The following KLHL14 variants were observed in gnomAD, a reference collection of about 807,000 sequenced individuals.
The protein encoded by KLHL14 is kelch-like protein 14.
KLHL14 carries 22 observed loss-of-function variants against 64.3 expected under a neutral mutation model. The observed-to-expected ratio is 0.34, with a 90% CI of 0.24 to 0.49. The LOEUF is 0.49. KLHL14 is among the 20% of genes least tolerant of loss of function. The pLI, the probability that KLHL14 is intolerant of heterozygous loss-of-function variation, is 0.99. For missense variants in KLHL14, 661 were observed against 789.0 expected (o/e 0.84, Z 1.94); for synonymous variants, 322 against 333.4 (o/e 0.97, Z 0.37).
chr18:32,685,127 C>T (rs1276990597), intron 5 of KLHL14, among the ~76,000 whole-genome samples: 1 of 152,078 alleles, frequency 6.6e-6, no homozygotes, highest in Middle Eastern at 3.2e-3. Flanking sequence ...ATCCTGTCAA[C>T]GGTGGCTGCC....
Position 32,742,002 on chromosome 18 carries a change from G to C in KLHL14, c.995C>G (p.Pro332Arg). 1 of 1,613,196 alleles carries C rather than the reference G, an allele frequency of 6.2e-7. No homozygotes were observed. Among genetic ancestry groups the C allele is most frequent in the South Asian group, 1.1e-5 (1 of 90,742 alleles). ...KMLLLVGGLP[P>R]GPDRLPSNLV... is the part of the protein sequence containing the mutation. ...ATTGCTGGGGAGCCGGTCCGGTCCA[G>C]GAGGCAGCCCTCCAACCAATAACAG... is the stretch of plus-strand genomic sequence containing the variant. Residue 332 changes from proline (P) to arginine (R), a missense_variant, in exon 3 of 9, where the codon CCT becomes CGT. By Grantham distance (103) the Pro-to-Arg change is moderately radical. This residue lies in a region of KLHL14 where 330 missense variants were observed against 450.0 expected (regional missense o/e 0.73). Coordinates refer to ENST00000359358, the MANE Select transcript of KLHL14 (RefSeq NM_020805.3).
chr18:32,753,960 C>T (rs546683252), intron 2 of KLHL14, among the ~76,000 whole-genome samples: 3 of 152,212 alleles, frequency 2.0e-5, no homozygotes, highest in African/African-American at 4.8e-5. Context: ...GAGGAAGTTG[C>T]GTGGCAAGCA....
At chr18:32,706,841 T>C (rs2049993015) in intron 3 of KLHL14, among the ~76,000 whole-genome samples, 1 of 152,106 alleles carries the variant, frequency 6.6e-6, no homozygotes, top group African/African-American at 2.4e-5. Context: ...TTGGATCAGA[T>C]GTGTGCATGT....
At chr18:32,696,909 T>C (rs993198680) in intron 3 of KLHL14, among the ~76,000 whole-genome samples, 5 of 152,220 alleles carry the variant, frequency 3.3e-5, no homozygotes, top group Admixed American at 3.3e-4. Flanking sequence ...CAAGGGATTT[T>C]AGGAGTTTTG....
chr18:32,729,032 C>T (rs2050121425), intron 3 of KLHL14, among the ~76,000 whole-genome samples: 1 of 152,154 alleles, frequency 6.6e-6, no homozygotes, highest in African/African-American at 2.4e-5. Flanking sequence ...AATATGTGGT[C>T]CTTTGTTATG....
intron 3 of KLHL14, among the ~76,000 whole-genome samples, chr18:32,737,013 A>C (rs2050169723): frequency 6.6e-6 from 1 of 152,110 alleles, no homozygotes; most frequent in Admixed American, 6.6e-5. Flanking sequence ...CAGAGTGGGT[A>C]TTCAATAATT....
At chr18:32,743,852 G>A (rs2144532480) in intron 2 of KLHL14, 1 of 152,266 alleles carries the variant, frequency 6.6e-6, no homozygotes, top group Non-Finnish European at 1.5e-5. Flanking sequence ...TAGATGCATG[G>A]CCACAGAGCT....
chr18:32,736,145 T>C (rs1000338977), intron 3 of KLHL14, among the ~76,000 whole-genome samples: 2 of 152,120 alleles, frequency 1.3e-5, no homozygotes, highest in African/African-American at 2.4e-5. Context: ...AAGCCAGAAA[T>C]AAATGAGAGA....
chr18:32,674,383 T>C lies in KLHL14; in HGVS notation c.*274A>G. 2.8e-6 allele frequency: 1 copy of C among 352,812 alleles called. No homozygotes were observed. Among genetic ancestry groups the C allele is most frequent in the Non-Finnish European group, 5.2e-6 (1 of 193,066 alleles). 21.9% of individuals were successfully genotyped at this position (352,812 alleles called of 1,614,324 possible). ...TCTTTCTCCTTTTGCAAGTTAAGAT[T>C]CACATGAAGAGTTTTTGTAAAGCTG... On this transcript the variant is annotated 3_prime_UTR_variant, in exon 9 of 9. Coordinates refer to ENST00000359358, the MANE Select transcript of KLHL14 (RefSeq NM_020805.3).
At chr18:32,676,282 G>A (rs2049810956) in intron 8 of KLHL14, among the ~76,000 whole-genome samples, 1 of 152,098 alleles carries the variant, frequency 6.6e-6, no homozygotes. Flanking sequence ...AGAATGTAGG[G>A]TATTCTGTAT....
Position 32,702,995 on chromosome 18 carries a change from T to G in KLHL14, c.1070-7443A>C, listed in dbSNP as rs555046796. On this transcript the variant is annotated intron_variant, in intron 3 of 8. Coordinates refer to ENST00000359358, the MANE Select transcript of KLHL14 (RefSeq NM_020805.3). ...AACTGTATCTAAGGGTCAGTTTTCT[T>G]GACTATGAGGATCGTTTCATCACTC... 3.9e-5 allele frequency among the ~76,000 whole-genome samples: 6 copies of G among 152,352 alleles called. No individual in the cohort carries two copies. The South Asian group carries it at 1.0e-3, about 26-fold the overall frequency.
At chr18:32,742,306 CT>C (rs34677845) in intron 2 of KLHL14, among the ~76,000 whole-genome samples, 81,343 of 151,962 alleles carry the variant, frequency 0.54, 23,037 homozygotes, top group East Asian at 0.93. Context: ...CTAGAACGAC[CT>C]TTTTCTTATA....
chr18:32,764,789 C>T (rs894891893), intron 2 of KLHL14, among the ~76,000 whole-genome samples: 18 of 152,114 alleles, frequency 1.2e-4, no homozygotes, highest in African/African-American at 4.1e-4. Context: ...GTAGTTGCAA[C>T]AGAGACCTTG....
intron 2 of KLHL14, among the ~76,000 whole-genome samples, chr18:32,749,230 G>T (rs2050239736): frequency 6.6e-6 from 1 of 152,114 alleles, no homozygotes; most frequent in South Asian, 2.1e-4. Context: ...AGATTTGATT[G>T]AAAACAACGA....
At position 32,683,578 on chromosome 18, in the gene KLHL14, T is replaced by C. The variant is rs16963672; in HGVS notation, c.1239-2979A>G. On this transcript the variant is annotated intron_variant, in intron 5 of 8. Coordinates refer to ENST00000359358, the MANE Select transcript of KLHL14 (RefSeq NM_020805.3). This position sits in a 1 kb window ranked among gnomAD's most constrained non-coding sequence, Gnocchi z 4.2. ...AGTAAGTTCAAGATTATTAAAGATT[T>C]CTTATTGGGATTACACTGTTTCTGT... 0.066 allele frequency among the ~76,000 whole-genome samples: 10,086 copies of C among 152,232 alleles called. 1,134 individuals are homozygous for C. Among genetic ancestry groups the C allele is most frequent in the African/African-American group, 0.23 (9,563 of 41,506 alleles).
chr18:32,698,915 A>C (rs1400642884), intron 3 of KLHL14, among the ~76,000 whole-genome samples: 1 of 152,196 alleles, frequency 6.6e-6, no homozygotes, highest in Non-Finnish European at 1.5e-5. Flanking sequence ...TAATTAAGAA[A>C]GTAGGAATCA....
rs375166648 is a variant in KLHL14 at position 32,765,537 on chromosome 18, G to C, written c.947+4108C>G. On this transcript the variant is annotated intron_variant, in intron 2 of 8. Coordinates refer to ENST00000359358, the MANE Select transcript of KLHL14 (RefSeq NM_020805.3). ...TATTCTGAATGGTTGAATAATTTCT[G>C]ATACAAAATTTAACTACCTAACAAT... Among the ~76,000 whole-genome samples the C allele has an allele frequency of 4.6e-5, 7 of 152,196 alleles. No homozygotes were observed. In the East Asian group the frequency reaches 1.4e-3, roughly 29 times the overall value.
Position 32,680,498 on chromosome 18 carries a change from T to G in KLHL14, c.1340A>C (p.Glu447Ala). 1 of 1,613,982 alleles carries G rather than the reference T, an allele frequency of 6.2e-7. No individual in the cohort carries two copies. The highest frequency in any genetic ancestry group is 8.5e-7 in the Non-Finnish European group (1 of 1,179,910). The change falls in exon 6 of 9, where the codon GAA (glutamate) becomes GCA (alanine). Residue 447 changes from glutamate to alanine, a missense_variant. Glu to Ala is a moderately radical substitution (Grantham distance 107). Coordinates refer to ENST00000359358, the MANE Select transcript of KLHL14 (RefSeq NM_020805.3). The surrounding 1 kb of genome is among the most constrained non-coding windows in gnomAD (Gnocchi z 4.8). ...GGACACATAGCGCCATTCATTCGTT[T>G]CTAGGTTATAGCACTCCACGCTGGA... Reference protein sequence around the residue: ...YLSSVECYNLETNEWRYVSSL... With the variant: ...YLSSVECYNLATNEWRYVSSL...
At chr18:32,769,215 TGAG>T (rs1428215094) in intron 2 of KLHL14, among the ~76,000 whole-genome samples, 2 of 152,230 alleles carry the variant, frequency 1.3e-5, no homozygotes, top group African/African-American at 2.4e-5. Flanking sequence ...AAGGCAGAAC[TGAG>T]GAGGGGTGGG....
Sources: allele counts gnomAD v4.1 joint callset (sites outside exome capture counted in the v4.1 genomes callset), GRCh38; gene constraint gnomAD v4.1.1; regional missense constraint gnomAD v4.1.1; non-coding constraint Gnocchi (gnomAD v3.1); transcripts MANE v1.5; gene names NCBI Gene and HGNC (gene_info 2026-07-23, HGNC 2026-07-21).